Variants in BRINP3 observed in about 807,000 individuals in gnomAD.
BRINP3 encodes the protein BMP/retinoic acid inducible neural specific 3.
Under a neutral mutation model 71.0 loss-of-function variants are expected in BRINP3, and 19 were observed. The observed-to-expected ratio is 0.27, with a 90% CI of 0.19 to 0.39. BRINP3 has a LOEUF of 0.39. Ranked by LOEUF, BRINP3 falls within the 10% of genes least tolerant of loss-of-function variation. The pLI, the probability that BRINP3 is intolerant of heterozygous loss-of-function variation, is 1.00. For synonymous variants in BRINP3, 380 were observed against 337.7 expected, an observed-to-expected ratio of 1.13 and a Z score of -1.37; for missense variants, 959 against 940.8, an observed-to-expected ratio of 1.02 and a Z score of -0.25.
At chr1:190,179,963 C>T (rs938432285) in intron 6 of BRINP3, among the ~76,000 whole-genome samples, 3 of 152,094 alleles carry the variant, frequency 2.0e-5, no homozygotes, top group African/African-American at 7.2e-5. Flanking sequence ...GTTTGTACTA[C>T]TCATTTTACT....
intron 7 of BRINP3, among the ~76,000 whole-genome samples, chr1:190,128,755 G>T (rs748443653): frequency 2.6e-5 from 4 of 151,738 alleles, no homozygotes; most frequent in Non-Finnish European, 5.9e-5. Flanking sequence ...AGAGAATCAA[G>T]AGAAAGATTA....
chr1:190,164,128 T>C (rs543704875), intron 6 of BRINP3, among the ~76,000 whole-genome samples: 4 of 152,206 alleles, frequency 2.6e-5, no homozygotes, highest in South Asian at 2.1e-4. Context: ...ATACCCCCGA[T>C]TGGAATTTTT....
intron 2 of BRINP3, among the ~76,000 whole-genome samples, chr1:190,378,535 G>A (rs725106): frequency 0.36 from 55,102 of 152,058 alleles, 11,051 homozygotes; most frequent in Admixed American, 0.48. Flanking sequence ...GAGCAGATTC[G>A]TTTTCAGACC....
At chr1:190,102,756 G>GACCA (rs1219912528) in intron 7 of BRINP3, among the ~76,000 whole-genome samples, 5 of 151,998 alleles carry the variant, frequency 3.3e-5, no homozygotes, top group African/African-American at 9.7e-5. Context: ...TAAATACCAT[G>GACCA]ATTTCGACCA....
In BRINP3 at chr1:190,265,539, A is replaced by AATATATATATATATAT. The variant is rs36099005; in HGVS notation, c.428-500_428-485dup. ...ACACGGTGAAACCCCGTCTCTACTA[A>AATATATATATATATAT]ATATATATATATATATATATATAAA... On this transcript the variant is annotated intron_variant, in intron 3 of 7. Coordinates refer to ENST00000367462, the MANE Select transcript of BRINP3 (RefSeq NM_199051.3). Among the ~76,000 whole-genome samples, 360 of 139,206 alleles carry AATATATATATATATAT rather than the reference A, an allele frequency of 2.6e-3. 4 individuals are homozygous for AATATATATATATATAT. Among genetic ancestry groups the AATATATATATATATAT allele is most frequent in the African/African-American group, 8.8e-3 (332 of 37,914 alleles). The allele number at this position is 139,206 out of a possible 152,430, so 91.3% of individuals were successfully genotyped here. A position where few individuals can be genotyped will look rare whatever the true frequency, so the allele number is the denominator to read the frequency against.
chr1:190,402,456 C>T (rs973084559), intron 2 of BRINP3, among the ~76,000 whole-genome samples: 1 of 152,170 alleles, frequency 6.6e-6, no homozygotes, highest in East Asian at 1.9e-4. Context: ...ATCCAATTTA[C>T]TTACAGAAAT....
intron 7 of BRINP3, among the ~76,000 whole-genome samples, chr1:190,125,257 ATGTCTAT>A (rs1237516590): frequency 4.6e-5 from 7 of 151,866 alleles, no homozygotes; most frequent in African/African-American, 1.7e-4. Flanking sequence ...AATAGTGAAC[ATGTCTAT>A]ATATGCCTAT....
intron 6 of BRINP3, among the ~76,000 whole-genome samples, chr1:190,164,463 T>G (rs188265826): frequency 6.6e-6 from 1 of 152,288 alleles, no homozygotes; most frequent in Non-Finnish European, 1.5e-5. Context: ...TGATTGTTAT[T>G]AATTCATATT....
intron 3 of BRINP3, among the ~76,000 whole-genome samples, chr1:190,273,768 A>C (rs1662318375): frequency 6.6e-6 from 1 of 151,634 alleles, no homozygotes; most frequent in African/African-American, 2.4e-5. Context: ...CTCAATTGGC[A>C]TTCTCATATA....
At chr1:190,366,264 A>G (rs1164692749) in intron 2 of BRINP3, among the ~76,000 whole-genome samples, 1 of 152,138 alleles carries the variant, frequency 6.6e-6, no homozygotes, top group Non-Finnish European at 1.5e-5. Context: ...CAGAAGATGA[A>G]GCAAGCATGT....
chr1:190,153,768 G>A (rs1656624547), intron 7 of BRINP3, among the ~76,000 whole-genome samples: 1 of 152,150 alleles, frequency 6.6e-6, no homozygotes, highest in Non-Finnish European at 1.5e-5. Context: ...GACTGAGGTT[G>A]GAGGATCCCT....
chr1:190,249,282 C>A (rs1355300271), intron 4 of BRINP3, among the ~76,000 whole-genome samples: 2 of 151,790 alleles, frequency 1.3e-5, no homozygotes, highest in African/African-American at 2.4e-5. Flanking sequence ...ACTGAATAAA[C>A]CTTCACCAAA....
At chr1:190,270,367 A>C (rs1662001063) in intron 3 of BRINP3, among the ~76,000 whole-genome samples, 2 of 151,426 alleles carry the variant, frequency 1.3e-5, no homozygotes, top group Admixed American at 1.3e-4. Context: ...AATTATATCA[A>C]ATTTTAAAAG....
intron 3 of BRINP3, among the ~76,000 whole-genome samples, chr1:190,265,316 A>C (rs990078124): frequency 6.6e-6 from 1 of 151,998 alleles, no homozygotes; most frequent in Non-Finnish European, 1.5e-5. Context: ...GATTTTATTG[A>C]CTTTCTAACA....
At chr1:190,189,018 C>T (rs1653797396) in intron 6 of BRINP3, among the ~76,000 whole-genome samples, 1 of 152,092 alleles carries the variant, frequency 6.6e-6, no homozygotes, top group Non-Finnish European at 1.5e-5. Context: ...CCTCGACCTC[C>T]CAAAGTGCTG....
chr1:190,469,491 T>C (rs1023763026), intron 1 of BRINP3, among the ~76,000 whole-genome samples: 1 of 151,082 alleles, frequency 6.6e-6, no homozygotes, highest in Non-Finnish European at 1.5e-5. Flanking sequence ...GCAACTTTGC[T>C]GCATAATTTA....
chr1:190,370,408 A>C (rs571151788), intron 2 of BRINP3, among the ~76,000 whole-genome samples: 43 of 152,282 alleles, frequency 2.8e-4, no homozygotes, highest in Middle Eastern at 6.8e-3. Flanking sequence ...ATTCATCAAA[A>C]CTGTGTCCTG....
At chr1:190,433,304 T>C (rs1019345910) in intron 2 of BRINP3, among the ~76,000 whole-genome samples, 8 of 152,328 alleles carry the variant, frequency 5.3e-5, no homozygotes, top group African/African-American at 1.9e-4. Context: ...AAACTTTCAA[T>C]GATCTCCCAC....
At chr1:190,118,022 G>A (rs531281991) in intron 7 of BRINP3, among the ~76,000 whole-genome samples, 9 of 152,056 alleles carry the variant, frequency 5.9e-5, no homozygotes, top group Admixed American at 3.3e-4. Flanking sequence ...CAAAGGTTTG[G>A]TTAGAACCAA....
Sources: allele counts gnomAD v4.1 joint callset (sites outside exome capture counted in the v4.1 genomes callset), GRCh38; gene constraint gnomAD v4.1.1; transcripts MANE v1.5; gene names NCBI Gene and HGNC (gene_info 2026-07-23, HGNC 2026-07-21).